ADGRL3: variants seen among roughly 807,000 people sequenced by gnomAD.
ADGRL3 encodes adhesion G protein-coupled receptor L3, also known as calcium-independent alpha-latrotoxin receptor 3.
ADGRL3 carries 62 observed loss-of-function variants against 153.5 expected under a neutral mutation model. The observed-to-expected ratio is 0.40, with a 90% confidence interval of 0.33 to 0.50. The LOEUF is 0.50. Among genes scored for constraint, ADGRL3 ranks in the 20% least tolerant of loss-of-function variants. ADGRL3 has a pLI of 0.47. For synonymous variants in ADGRL3, 710 were observed against 672.5 expected (o/e 1.06, Z -0.86); for missense variants, 1,641 against 1,859.4 (o/e 0.88, Z 2.16).
At chr4:61,812,178 G>T (rs2097635361) in intron 8 of ADGRL3, among the ~76,000 whole-genome samples, 1 of 152,164 alleles carries the variant, frequency 6.6e-6, no homozygotes, top group South Asian at 2.1e-4. Flanking sequence ...ACTGCTAACA[G>T]TACACAATTA....
intron 8 of ADGRL3, among the ~76,000 whole-genome samples, chr4:61,809,240 T>C (rs2097582174): frequency 6.6e-6 from 1 of 152,062 alleles, no homozygotes; most frequent in Non-Finnish European, 1.5e-5. Context: ...GGTAGTAAAA[T>C]GTGGTTTTAC....
chr4:61,754,032 T>C, intron 8 of ADGRL3, among the ~76,000 whole-genome samples: 1 of 152,180 alleles, frequency 6.6e-6, no homozygotes, highest in East Asian at 1.9e-4. Flanking sequence ...TGCCGGGAAG[T>C]GACCTTCCTT....
intron 4 of ADGRL3, among the ~76,000 whole-genome samples, chr4:61,519,695 T>C (rs1458610449): frequency 1.3e-5 from 2 of 152,152 alleles, no homozygotes; most frequent in African/African-American, 4.8e-5. Flanking sequence ...GTAAGAGATA[T>C]CACATTATCT....
At chr4:61,566,543 G>T (rs2098817019) in intron 4 of ADGRL3, among the ~76,000 whole-genome samples, 1 of 152,106 alleles carries the variant, frequency 6.6e-6, no homozygotes, top group African/African-American at 2.4e-5. Context: ...GCAATTTTAA[G>T]ATATTTTTAA....
chr4:61,948,317 A>G (rs1209362701), intron 17 of ADGRL3, 41 bp downstream of exon 17: 4 of 1,485,362 alleles, frequency 2.7e-6, no homozygotes, highest in Non-Finnish European at 2.8e-6. Flanking sequence ...TTAGTATATT[A>G]TATGGTCACT....
intron 9 of ADGRL3, among the ~76,000 whole-genome samples, chr4:61,827,576 G>C (rs1160402701): frequency 1.3e-5 from 2 of 152,318 alleles, no homozygotes; most frequent in South Asian, 2.1e-4. Flanking sequence ...AAGGTGGATT[G>C]AGAGCAAAGA....
chr4:61,891,497 C>A (rs2098585498), intron 9 of ADGRL3, among the ~76,000 whole-genome samples: 1 of 152,104 alleles, frequency 6.6e-6, no homozygotes, highest in Non-Finnish European at 1.5e-5. Context: ...ATGAAATATT[C>A]AAAAATATCC....
intron 1 of ADGRL3, among the ~76,000 whole-genome samples, chr4:61,342,634 T>G (rs2095829053): frequency 3.3e-5 from 5 of 152,186 alleles, no homozygotes; most frequent in Admixed American, 3.3e-4. Context: ...CTCTCCAACC[T>G]TCTTTCCCAT....
At chr4:62,043,977 C>A (rs1304674529) in intron 24 of ADGRL3, among the ~76,000 whole-genome samples, 1 of 151,930 alleles carries the variant, frequency 6.6e-6, no homozygotes, top group Non-Finnish European at 1.5e-5. Flanking sequence ...TAATAATGTT[C>A]TATTTTCTTT....
rs2096172345 is a variant in ADGRL3, at chr4:61,718,528, A to G, written c.584-12094A>G. Among the ~76,000 whole-genome samples, 3 of 152,160 alleles carry G rather than the reference A, an allele frequency of 2.0e-5. 1 individual carries two copies. In the South Asian group the frequency reaches 6.2e-4, roughly 31 times the overall value. On this transcript the variant is annotated intron_variant, in intron 6 of 26. Transcript: ENST00000683033. The stretch of plus-strand genomic sequence containing the variant: ...TTGTTCTTTAAAGTTGAATTTTTTT[A>G]CAAAAAAGATCACCTTATGTGGAAG...
intron 6 of ADGRL3, among the ~76,000 whole-genome samples, chr4:61,683,545 C>T (rs62304054): frequency 1.3e-5 from 2 of 151,972 alleles, no homozygotes; most frequent in Non-Finnish European, 2.9e-5. Context: ...GGAGTGCATG[C>T]TGATTGGTTT....
At chr4:61,882,698 A>C (rs547191975) in intron 9 of ADGRL3, among the ~76,000 whole-genome samples, 1 of 152,294 alleles carries the variant, frequency 6.6e-6, no homozygotes, top group South Asian at 2.1e-4. Context: ...CACTGTGTCT[A>C]GACCTTTGCA....
chr4:61,799,523 T>C (rs1277988911), intron 8 of ADGRL3, among the ~76,000 whole-genome samples: 1 of 152,132 alleles, frequency 6.6e-6, no homozygotes, highest in Non-Finnish European at 1.5e-5. Flanking sequence ...CCAGCTTTTG[T>C]CTGGAGACCA....
chr4:62,013,565 G>T (rs1031165969), intron 21 of ADGRL3, among the ~76,000 whole-genome samples: 1 of 151,238 alleles, frequency 6.6e-6, no homozygotes, highest in Non-Finnish European at 1.5e-5. Context: ...AAGAAAGAAA[G>T]AAAGAAATTT....
chr4:61,731,658 A>G (rs2096445026), intron 7 of ADGRL3, among the ~76,000 whole-genome samples: 1 of 152,102 alleles, frequency 6.6e-6, no homozygotes, highest in Admixed American at 6.6e-5. Context: ...AGATTCACGA[A>G]TGTACTTAAG....
intron 1 of ADGRL3, among the ~76,000 whole-genome samples, chr4:61,322,608 G>A (rs1330986126): frequency 6.6e-6 from 1 of 152,192 alleles, no homozygotes; most frequent in African/African-American, 2.4e-5. Context: ...CAGGCCCCAT[G>A]TGAAAATCCG....
chr4:61,895,145 T>G (rs1038174741), intron 10 of ADGRL3, among the ~76,000 whole-genome samples: 6 of 152,078 alleles, frequency 3.9e-5, no homozygotes, highest in African/African-American at 1.4e-4. Flanking sequence ...GAGGCACATA[T>G]CACATCATCT....
At chr4:61,579,492 T>C (rs1480203081) in intron 4 of ADGRL3, 1 of 398,028 alleles carries the variant, frequency 2.5e-6, no homozygotes. Context: ...AGTAAGTAGA[T>C]ATGAAATGCA....
Position 61,670,784 on chromosome 4 carries a change from G to A in ADGRL3, c.474-6042G>A, listed in dbSNP as rs114986660. Among the ~76,000 whole-genome samples the A allele has an allele frequency of 7.0e-3, 1,070 of 152,272 alleles. 12 individuals are homozygous for A. The highest frequency in any genetic ancestry group is 0.024 in the African/African-American group (997 of 41,558). On this transcript the variant is annotated intron_variant, in intron 5 of 26. Transcript: ENST00000683033. Reference sequence around the variant, plus strand: ...TTCCCCCCAGGGGTGTTGTGTTTGTGTATGCCTGGGGTTGGCCATAGTAAC... The same window carrying A: ...TTCCCCCCAGGGGTGTTGTGTTTGTATATGCCTGGGGTTGGCCATAGTAAC...
Sources: gnomAD v4.1 joint callset for allele counts (sites outside exome capture counted in the v4.1 genomes callset) on GRCh38, gnomAD v4.1.1 for gene constraint, MANE v1.5 for transcripts, NCBI Gene and HGNC (gene_info 2026-07-23, HGNC 2026-07-21) for gene names.